The following ARHGEF10L variants were observed in gnomAD, a reference collection of about 807,000 sequenced individuals.
ARHGEF10L encodes Rho guanine nucleotide exchange factor 10 like.
In ARHGEF10L, 69 loss-of-function variants were observed where a neutral mutation model predicts 141.2. The ratio of observed to expected loss-of-function variants is 0.49; its 90% CI spans 0.40 to 0.60. The LOEUF (loss-of-function observed/expected upper bound fraction) is 0.60, where lower values mean the gene tolerates loss of function less well. Ranked by LOEUF, ARHGEF10L falls within the 20% of genes least tolerant of loss-of-function variation. The pLI, the probability that ARHGEF10L is intolerant of heterozygous loss-of-function variation, is 0.00. For synonymous variants in ARHGEF10L, 711 were observed against 718.5 expected (o/e 0.99, Z 0.17); for missense variants, 1,482 against 1,734.3 (o/e 0.85, Z 2.58).
intron 21 of ARHGEF10L, among the ~76,000 whole-genome samples, chr1:17,643,741 T>A (rs2101874117): frequency 6.6e-6 from 1 of 152,276 alleles, no homozygotes; most frequent in Non-Finnish European, 1.5e-5. Context: ...AGATGGTGCA[T>A]GGAAGATGCC....
rs529188051 is a variant in ARHGEF10L at position 17,644,352 on chromosome 1, C to A, written c.2272+4050C>A. ...TCTAGACCTCAGCATGTCCTTGAAC[C>A]CTCACTGCTGTCCCACAGGCTGGTG... On this transcript the variant is annotated intron_variant, in intron 21 of 28. Transcript: ENST00000361221. The surrounding 1 kb of genome is among the most constrained non-coding windows in gnomAD (Gnocchi z 4.5). 1.3e-5 allele frequency among the ~76,000 whole-genome samples: 2 copies of A among 152,368 alleles called. No homozygotes were observed. The highest frequency in any genetic ancestry group is 2.9e-5 in the Non-Finnish European group (2 of 68,034).
chr1:17,606,443 G>A (rs1239124485), intron 6 of ARHGEF10L, among the ~76,000 whole-genome samples: 1 of 151,866 alleles, frequency 6.6e-6, no homozygotes, highest in East Asian at 1.9e-4. Context: ...ACAGGTGCGT[G>A]CCACCACACC....
At chr1:17,538,106 G>A (rs1319502337), upstream of ARHGEF10L, among the ~76,000 whole-genome samples, 1 of 152,120 alleles carries the variant, frequency 6.6e-6, no homozygotes, top group Non-Finnish European at 1.5e-5. Flanking sequence ...GCCAAGGAAG[G>A]GGTTGGAGTA....
chr1:17,542,433 A>C (rs958870763), intron 1 of ARHGEF10L, among the ~76,000 whole-genome samples: 1 of 152,222 alleles, frequency 6.6e-6, no homozygotes, highest in Non-Finnish European at 1.5e-5. Context: ...TAAGTGACAG[A>C]GGGAGACCCT....
chr1:17,685,146 C>T (rs1388217716), intron 26 of ARHGEF10L, among the ~76,000 whole-genome samples: 1 of 152,226 alleles, frequency 6.6e-6, no homozygotes, highest in Non-Finnish European at 1.5e-5. Flanking sequence ...TCTCCACTTG[C>T]TAAGCCCACG....
chr1:17,529,334 T>A, the ARHGEF10L span, among the ~76,000 whole-genome samples: 1 of 152,202 alleles, frequency 6.6e-6, no homozygotes, highest in Non-Finnish European at 1.5e-5. Context: ...TGTCCGGCAT[T>A]AACTAGTTAA....
At chr1:17,648,205 T>G (rs1237663304) in intron 21 of ARHGEF10L, among the ~76,000 whole-genome samples, 1 of 152,212 alleles carries the variant, frequency 6.6e-6, no homozygotes, top group Admixed American at 6.5e-5. Flanking sequence ...ACATCTATTA[T>G]TTCATTTGGT....
intron 12 of ARHGEF10L, 46 bp from the exon 13 acceptor site, chr1:17,624,341 C>A (rs2060267940): frequency 6.7e-7 from 1 of 1,492,878 alleles, no homozygotes; most frequent in Non-Finnish European, 9.3e-7. Context: ...TCCTTCTGCT[C>A]CCTGCATTGA....
intron 1 of ARHGEF10L, among the ~76,000 whole-genome samples, chr1:17,540,528 T>C (rs2076686097): frequency 6.6e-6 from 1 of 152,080 alleles, no homozygotes; most frequent in African/African-American, 2.4e-5. Context: ...CAGGGATATA[T>C]GTCAGGGAGG....
intron 16 of ARHGEF10L, 188 bp from the exon 17 acceptor site, chr1:17,634,360 C>T: frequency 1.2e-6 from 1 of 859,334 alleles, no homozygotes; most frequent in Non-Finnish European, 1.9e-6. Context: ...GTTGTGAGAC[C>T]CAGAGATGAA....
At chr1:17,640,063 G>A in intron 20 of ARHGEF10L, 139 bp from the exon 21 acceptor site, 2 of 1,477,232 alleles carry the variant, frequency 1.4e-6, no homozygotes. Context: ...TGACCTCTTT[G>A]GCCACGTTTT....
chr1:17,664,337 C>T lies in ARHGEF10L; in HGVS notation c.2861-110C>T, dbSNP rs977700561. 7.7e-5 allele frequency: 95 copies of T among 1,235,116 alleles called. 2 individuals carry two copies. In the Admixed American group the frequency reaches 8.6e-4, roughly 11 times the overall value. 76.5% of individuals were successfully genotyped at this position (1,235,116 alleles called of 1,614,324 possible). A position where few individuals can be genotyped will look rare whatever the true frequency, so the allele number is the denominator to read the frequency against. ...ATGGAGAGAGAAAGGCCCTGGAGAG[C>T]GGGGAGAGGGTGTGGGGGGCCCTGC... On this transcript the variant is annotated intron_variant, in intron 25 of 28. Transcript: ENST00000361221.
chr1:17,535,789 T>A (rs1248830232), upstream of ARHGEF10L, among the ~76,000 whole-genome samples: 1 of 152,246 alleles, frequency 6.6e-6, no homozygotes, highest in Non-Finnish European at 1.5e-5. Flanking sequence ...GTTCCTTTTG[T>A]GGCTATTGAA....
In ARHGEF10L at chr1:17,607,821, C is replaced by T; in HGVS notation, c.453C>T (p.Leu151=). Residue 151 remains leucine, a synonymous_variant, in exon 7 of 29, where the codon CTC becomes CTT. Transcript: ENST00000361221. This position sits in a 1 kb window ranked among gnomAD's most constrained non-coding sequence, Gnocchi z 4.5. ...AHQPGAERNL[L]YEDAHRAGAP... ...CAGCAGGGGCAGAGAGGAACCTGCT[C>T]TACGAGGATGCGCACCGGGCTGGGG... 3 of 1,590,946 alleles carry T rather than the reference C, an allele frequency of 1.9e-6. No individual in the cohort carries two copies. Among genetic ancestry groups the T allele is most frequent in the East Asian group, 2.4e-5 (1 of 42,000 alleles).
At chr1:17,587,789 C>G in intron 3 of ARHGEF10L, 144 bp downstream of exon 3, 11 of 881,738 alleles carry the variant, frequency 1.2e-5, no homozygotes, top group Admixed American at 2.6e-5. Context: ...GAAGAAGCTG[C>G]AGTCTGTGGC....
chr1:17,632,677 G>A (rs2060770267), intron 16 of ARHGEF10L, among the ~76,000 whole-genome samples: 1 of 152,210 alleles, frequency 6.6e-6, no homozygotes, highest in African/African-American at 2.4e-5. Context: ...GCAGCCCTCA[G>A]CCTCGGGCAC....
chr1:17,574,247 C>T (rs774760861), intron 1 of ARHGEF10L, among the ~76,000 whole-genome samples: 5 of 152,182 alleles, frequency 3.3e-5, no homozygotes, highest in Non-Finnish European at 7.3e-5. Flanking sequence ...CTGTCAGCCT[C>T]ATTTTCCTCA....
chr1:17,691,395 C>T (rs1450236273), intron 27 of ARHGEF10L, among the ~76,000 whole-genome samples: 1 of 152,152 alleles, frequency 6.6e-6, no homozygotes, highest in Non-Finnish European at 1.5e-5. Flanking sequence ...TTGCCTTCCT[C>T]CCATTTGTCG....
At chr1:17,632,247 G>A (rs2060737266) in intron 15 of ARHGEF10L, 74 bp from the exon 16 acceptor site, 3 of 1,580,982 alleles carry the variant, frequency 1.9e-6, no homozygotes, top group Non-Finnish European at 2.6e-6. Flanking sequence ...CACCATGGGA[G>A]GATTCTGGGT....
Sources: allele counts gnomAD v4.1 joint callset (sites outside exome capture counted in the v4.1 genomes callset), GRCh38; gene constraint gnomAD v4.1.1; non-coding constraint Gnocchi (gnomAD v3.1); transcripts MANE v1.5; gene names NCBI Gene and HGNC (gene_info 2026-07-23, HGNC 2026-07-21).